Variants in ANO6 observed in about 807,000 individuals in gnomAD.
The protein encoded by ANO6 is anoctamin-6.
A neutral mutation model predicts 117.5 loss-of-function variants in ANO6; 106 were observed. The observed-to-expected ratio is 0.90, with a 90% CI of 0.77 to 1.06. The LOEUF (loss-of-function observed/expected upper bound fraction) is 1.06, where lower values mean the gene tolerates loss of function less well. Among genes scored for constraint, ANO6 ranks in the 50% least tolerant of loss-of-function variants. The pLI is 0.00. For synonymous variants in ANO6, 367 were observed against 385.1 expected, an observed-to-expected ratio of 0.95 and a Z score of 0.55; for missense variants, 955 against 1,121.1, an observed-to-expected ratio of 0.85 and a Z score of 2.12.
chr12:45,247,353 G>A (rs1322382638), intron 1 of ANO6, among the ~76,000 whole-genome samples: 1 of 152,178 alleles, frequency 6.6e-6, no homozygotes, highest in African/African-American at 2.4e-5. Context: ...TTATAAATAC[G>A]TGTATTGACA....
intron 1 of ANO6, among the ~76,000 whole-genome samples, chr12:45,226,520 A>G (rs1170376274): frequency 6.6e-6 from 1 of 152,016 alleles, no homozygotes; most frequent in African/African-American, 2.4e-5. Context: ...CCATGCAAAT[A>G]GATGTTCTTT....
intron 1 of ANO6, among the ~76,000 whole-genome samples, chr12:45,241,900 G>A (rs1947750132): frequency 6.6e-6 from 1 of 152,206 alleles, no homozygotes; most frequent in Admixed American, 6.5e-5. Flanking sequence ...TGCAAATATT[G>A]CAGAACAGCA....
intron 1 of ANO6, chr12:45,228,416 G>A (rs1947522502): frequency 1.3e-5 from 3 of 225,222 alleles, no homozygotes. Flanking sequence ...TGAGATTACA[G>A]GTGTGAGCCA....
chr12:45,395,324 G>A (rs987204838), intron 12 of ANO6, among the ~76,000 whole-genome samples: 2 of 152,116 alleles, frequency 1.3e-5, no homozygotes, highest in Non-Finnish European at 2.9e-5. Context: ...ATCAATAACA[G>A]GCTCTGAAAT....
At chr12:45,280,308 G>T (rs1938683096) in intron 1 of ANO6, among the ~76,000 whole-genome samples, 1 of 152,154 alleles carries the variant, frequency 6.6e-6, no homozygotes, top group Non-Finnish European at 1.5e-5. Context: ...TGACGAGTTT[G>T]ATCAGTAACC....
At chr12:45,295,892 T>C in intron 1 of ANO6, among the ~76,000 whole-genome samples, 1 of 152,092 alleles carries the variant, frequency 6.6e-6, no homozygotes, top group Non-Finnish European at 1.5e-5. Flanking sequence ...AAACAGAGTC[T>C]CTGTCACTCA....
chr12:45,286,433 C>G (rs1254368784), intron 1 of ANO6, among the ~76,000 whole-genome samples: 2 of 152,100 alleles, frequency 1.3e-5, no homozygotes, highest in African/African-American at 4.8e-5. Flanking sequence ...AAAAAATATC[C>G]ATACATTCAA....
At chr12:45,265,729 G>A (rs527502306) in intron 1 of ANO6, among the ~76,000 whole-genome samples, 14 of 152,116 alleles carry the variant, frequency 9.2e-5, no homozygotes, top group East Asian at 7.7e-4. Flanking sequence ...AAACACCTTC[G>A]TAGACTCTAT....
At chr12:45,225,630 A>C (rs1340226356) in intron 1 of ANO6, among the ~76,000 whole-genome samples, 1 of 152,034 alleles carries the variant, frequency 6.6e-6, no homozygotes, top group African/African-American at 2.4e-5. Context: ...CTGGGACTAC[A>C]GGCACCCACC....
In ANO6 at chr12:45,429,867, AG is replaced by A. The variant is rs544987513; in HGVS notation, c.*557del. ...TCCAGAAAGGAAACCTCAGTTAATCAGAGGAAATAGTTTCAGTCTTCATTTG... is the reference window on the plus strand; with the variant it reads ...TCCAGAAAGGAAACCTCAGTTAATCAAGGAAATAGTTTCAGTCTTCATTTG... On this transcript the variant is annotated 3_prime_UTR_variant, in exon 20 of 20. Transcript: ENST00000320560. 4,895 of 989,828 alleles carry A rather than the reference AG, an allele frequency of 4.9e-3. 19 individuals carry two copies. Among genetic ancestry groups the A allele is most frequent in the Non-Finnish European group, 5.5e-3 (4,596 of 832,504 alleles). 61.3% of individuals were successfully genotyped at this position (989,828 alleles called of 1,614,324 possible).
chr12:45,291,421 A>C (rs2137278000), intron 1 of ANO6, among the ~76,000 whole-genome samples: 1 of 151,938 alleles, frequency 6.6e-6, no homozygotes, highest in South Asian at 2.1e-4. Flanking sequence ...CTTAGATATA[A>C]CATCAAAAAC....
At chr12:45,426,397 C>G (rs1323027986) in intron 19 of ANO6, among the ~76,000 whole-genome samples, 2 of 152,162 alleles carry the variant, frequency 1.3e-5, no homozygotes, top group Non-Finnish European at 2.9e-5. Flanking sequence ...CCATCCTTAC[C>G]TCACCAGTCC....
chr12:45,278,130 A>AT (rs1938610044), intron 1 of ANO6, among the ~76,000 whole-genome samples: 2 of 151,300 alleles, frequency 1.3e-5, no homozygotes, highest in Admixed American at 6.6e-5. Context: ...TAATTTTTAA[A>AT]TTTTTTTGTA....
chr12:45,384,621 A>G (rs769200867), intron 10 of ANO6, among the ~76,000 whole-genome samples: 17 of 152,204 alleles, frequency 1.1e-4, no homozygotes, highest in Non-Finnish European at 2.1e-4. Flanking sequence ...CAGTCAGTGG[A>G]ATGGTCAGAC....
At chr12:45,297,127 T>G (rs1456093177) in intron 1 of ANO6, among the ~76,000 whole-genome samples, 2 of 152,192 alleles carry the variant, frequency 1.3e-5, no homozygotes, top group African/African-American at 4.8e-5. Flanking sequence ...GTCCCCTCAG[T>G]CTATACCCAG....
rs1258142774 is a variant in ANO6, at chr12:45,430,642, T to G, written c.*1331T>G. Reference sequence around the variant, plus strand: ...CTAGAGCCAATCAGGCAGTTAAGAGTAATAAAGGAAAAGGGTTTGGTCACA... The same window carrying G: ...CTAGAGCCAATCAGGCAGTTAAGAGGAATAAAGGAAAAGGGTTTGGTCACA... On this transcript the variant is annotated 3_prime_UTR_variant, in exon 20 of 20. Coordinates refer to ENST00000320560, the MANE Select transcript of ANO6 (RefSeq NM_001025356.3). 1.0e-6 allele frequency: 1 copy of G among 985,234 alleles called. No individual in the cohort carries two copies. The highest frequency in any genetic ancestry group is 1.1e-4 in the East Asian group (1 of 8,828). 61.0% of individuals were successfully genotyped at this position (985,234 alleles called of 1,614,324 possible).
intron 1 of ANO6, among the ~76,000 whole-genome samples, chr12:45,277,078 T>C (rs1177754910): frequency 6.6e-6 from 1 of 152,164 alleles, no homozygotes; most frequent in African/African-American, 2.4e-5. Context: ...GTTTTAGGCA[T>C]TATCTATTGA....
At chr12:45,385,347 C>G (rs1481155158) in intron 10 of ANO6, among the ~76,000 whole-genome samples, 1 of 152,042 alleles carries the variant, frequency 6.6e-6, no homozygotes, top group Non-Finnish European at 1.5e-5. Context: ...GAGTGGGAGA[C>G]AGAGCTGAGG....
At chr12:45,302,176 T>G in intron 2 of ANO6, 83 bp downstream of exon 2, 1 of 1,207,582 alleles carries the variant, frequency 8.3e-7, no homozygotes, top group Non-Finnish European at 1.2e-6. Context: ...CTTTTATGAA[T>G]TCATTCCTTC....
Sources: allele counts gnomAD v4.1 joint callset (sites outside exome capture counted in the v4.1 genomes callset), GRCh38; gene constraint gnomAD v4.1.1; transcripts MANE v1.5; gene names NCBI Gene and HGNC (gene_info 2026-07-23, HGNC 2026-07-21).